EGF: variants seen among roughly 807,000 people sequenced by gnomAD.
EGF encodes the protein pro-epidermal growth factor.
In EGF, 95 loss-of-function variants were observed where a neutral mutation model predicts 143.8. The observed-to-expected ratio is 0.66, with a 90% CI of 0.56 to 0.78. The LOEUF is 0.78. EGF is among the 30% of genes least tolerant of loss of function. The pLI is 0.00. For synonymous variants in EGF, 510 were observed against 510.5 expected, an observed-to-expected ratio of 1.00 and a Z score of 0.01; for missense variants, 1,320 against 1,470.9, an observed-to-expected ratio of 0.90 and a Z score of 1.68.
chr4:109,969,934 G>A (rs1747300481), intron 11 of EGF, among the ~76,000 whole-genome samples: 1 of 152,178 alleles, frequency 6.6e-6, no homozygotes, highest in Non-Finnish European at 1.5e-5. Context: ...AGCTGCCATG[G>A]AATGAGCTTC....
intron 1 of EGF, among the ~76,000 whole-genome samples, chr4:109,931,749 C>T (rs1739741382): frequency 6.6e-6 from 1 of 152,210 alleles, no homozygotes; most frequent in Non-Finnish European, 1.5e-5. Flanking sequence ...AAAATAGGAA[C>T]ATTCACTCAC....
At chr4:109,993,803 T>A (rs1164081209) in intron 19 of EGF, among the ~76,000 whole-genome samples, 1 of 152,144 alleles carries the variant, frequency 6.6e-6, no homozygotes, top group Non-Finnish European at 1.5e-5. Context: ...ACTCCAGCTC[T>A]CTTCTCTTTC....
chr4:109,999,873 G>A, intron 21 of EGF, 27 bp downstream of exon 21: 1 of 1,612,428 alleles, frequency 6.2e-7, no homozygotes, highest in Non-Finnish European at 8.5e-7. Flanking sequence ...TTTGGTACTG[G>A]AAACCTCTTT....
intron 16 of EGF, among the ~76,000 whole-genome samples, chr4:109,986,822 A>C (rs1309114464): frequency 1.3e-5 from 2 of 152,036 alleles, no homozygotes; most frequent in African/African-American, 4.8e-5. Context: ...ATTTCAATGG[A>C]GTATGAAATG....
chr4:110,010,551 A>C (rs1308699231), intron 23 of EGF, among the ~76,000 whole-genome samples: 1 of 152,156 alleles, frequency 6.6e-6, no homozygotes, highest in African/African-American at 2.4e-5. Context: ...CCCCAGGCTC[A>C]AGCAATCCTC....
intron 1 of EGF, among the ~76,000 whole-genome samples, chr4:109,931,496 G>A (rs535788170): frequency 3.9e-5 from 6 of 152,206 alleles, no homozygotes; most frequent in African/African-American, 1.2e-4. Context: ...ACTAGATTGC[G>A]AGTGCACTAG....
chr4:109,973,096 T>G (rs980883814), intron 11 of EGF, among the ~76,000 whole-genome samples: 1 of 152,206 alleles, frequency 6.6e-6, no homozygotes, highest in Non-Finnish European at 1.5e-5. Flanking sequence ...CTTAGCCCTA[T>G]TTATATCCTG....
Position 109,960,876 on chromosome 4 carries a change from A to G in EGF, c.1076A>G (p.Glu359Gly). ...TGTTGTCATTGTGCAGATGTTAATG[A>G]ATGTGCTTTTTGGAATCATGGCTGT... ...RDRKYCEDVN[E>G]CAFWNHGCTL... is the part of the protein sequence containing the mutation. The change falls in exon 7 of 24, where the codon GAA becomes GGA. Residue 359 changes from glutamate to glycine, a missense_variant. Coordinates refer to ENST00000265171, the MANE Select transcript of EGF (RefSeq NM_001963.6). 1 of 1,613,902 alleles carries G rather than the reference A, an allele frequency of 6.2e-7. No homozygotes were observed. Among genetic ancestry groups the G allele is most frequent in the Non-Finnish European group, 8.5e-7 (1 of 1,179,878 alleles).
At chr4:109,934,304 T>C (rs1221232726) in intron 1 of EGF, among the ~76,000 whole-genome samples, 1 of 152,230 alleles carries the variant, frequency 6.6e-6, no homozygotes, top group African/African-American at 2.4e-5. Context: ...GTTTTCTAAA[T>C]ATGCAGTTAT....
intron 20 of EGF, among the ~76,000 whole-genome samples, chr4:109,997,966 A>C (rs1267829085): frequency 3.9e-5 from 6 of 152,236 alleles, no homozygotes; most frequent in Admixed American, 3.3e-4. Context: ...TGGCCACAGA[A>C]TCTTTTGTTT....
At chr4:109,990,468 G>A (rs1750780293) in intron 18 of EGF, among the ~76,000 whole-genome samples, 1 of 152,194 alleles carries the variant, frequency 6.6e-6, no homozygotes, top group Non-Finnish European at 1.5e-5. Flanking sequence ...GAAGGGATGG[G>A]AGGAGTCCAG....
At chr4:109,930,177 T>C (rs1739440518) in intron 1 of EGF, among the ~76,000 whole-genome samples, 1 of 152,184 alleles carries the variant, frequency 6.6e-6, no homozygotes, top group South Asian at 2.1e-4. Context: ...CCTCTTTCCT[T>C]TGTAAGTTAC....
At chr4:109,984,330 T>C (rs1749817587) in intron 16 of EGF, among the ~76,000 whole-genome samples, 1 of 152,168 alleles carries the variant, frequency 6.6e-6, no homozygotes, top group Admixed American at 6.5e-5. Flanking sequence ...GTCTGCAAAC[T>C]ACTTTGTTGA....
chr4:110,011,222 T>C lies in EGF; in HGVS notation c.3391T>C (p.Trp1131Arg), dbSNP rs1335482166. ...TATAGGGTCAATGCAACCAACTTCA[T>C]GGAGGCAGGAGCCCCAGTTATGTGG... ...AADGSMQPTS[W>R]RQEPQLCGMG... Residue 1131 changes from tryptophan to arginine, a missense_variant, in exon 24 of 24, where the codon TGG becomes CGG. Trp to Arg is a moderately radical substitution (Grantham distance 101, BLOSUM62 -3). Coordinates refer to ENST00000265171, the MANE Select transcript of EGF (RefSeq NM_001963.6). 2 of 1,613,514 alleles carry C rather than the reference T, an allele frequency of 1.2e-6. No homozygotes were observed. The highest frequency in any genetic ancestry group is 1.7e-6 in the Non-Finnish European group (2 of 1,180,034).
At chr4:110,005,742 T>C (rs1026921194) in intron 22 of EGF, among the ~76,000 whole-genome samples, 5 of 152,238 alleles carry the variant, frequency 3.3e-5, no homozygotes, top group Non-Finnish European at 7.3e-5. Flanking sequence ...ATTCAGTGTG[T>C]GCTGTTGGCA....
chr4:109,941,787 C>CA (rs914616852), intron 2 of EGF, among the ~76,000 whole-genome samples: 8 of 151,320 alleles, frequency 5.3e-5, no homozygotes, highest in African/African-American at 1.9e-4. Flanking sequence ...TTGCACTCCG[C>CA]AAAAAAAATA....
intron 1 of EGF, among the ~76,000 whole-genome samples, chr4:109,914,974 C>A (rs1736367024): frequency 6.6e-6 from 1 of 152,154 alleles, no homozygotes; most frequent in Admixed American, 6.5e-5. Context: ...GAAAGAAGAA[C>A]CCAGGTTGCT....
At chr4:109,953,798 A>C (rs1381997231) in intron 5 of EGF, among the ~76,000 whole-genome samples, 1 of 152,204 alleles carries the variant, frequency 6.6e-6, no homozygotes, top group Non-Finnish European at 1.5e-5. Flanking sequence ...AAGAAAGAAC[A>C]CTGGACTCAC....
intron 5 of EGF, among the ~76,000 whole-genome samples, chr4:109,954,940 A>G (rs1461043921): frequency 1.3e-5 from 2 of 152,212 alleles, no homozygotes; most frequent in Non-Finnish European, 2.9e-5. Flanking sequence ...TAATACAAAT[A>G]CTTTACAAAG....
Sources: gnomAD v4.1 joint callset for allele counts (sites outside exome capture counted in the v4.1 genomes callset) on GRCh38, gnomAD v4.1.1 for gene constraint, MANE v1.5 for transcripts, NCBI Gene and HGNC (gene_info 2026-07-23, HGNC 2026-07-21) for gene names.